MACROD2: variants seen among roughly 807,000 people sequenced by gnomAD.
MACROD2 encodes mono-ADP ribosylhydrolase 2.
MACROD2 carries 36 observed loss-of-function variants against 70.4 expected under a neutral mutation model. The observed-to-expected ratio is 0.51, with a 90% CI of 0.39 to 0.68. The LOEUF is 0.68. Among genes scored for constraint, MACROD2 ranks in the 30% least tolerant of loss-of-function variants. The probability of loss-of-function intolerance (pLI) is 0.00; values close to 1 mark genes in which losing one functional copy is unlikely to be tolerated. For missense variants in MACROD2, 496 were observed against 538.4 expected, an observed-to-expected ratio of 0.92 and a Z score of 0.78; for synonymous variants, 172 against 178.8, an observed-to-expected ratio of 0.96 and a Z score of 0.30.
intron 6 of MACROD2, among the ~76,000 whole-genome samples, chr20:15,411,715 C>T (rs988557719): frequency 6.6e-6 from 1 of 152,200 alleles, no homozygotes; most frequent in Non-Finnish European, 1.5e-5. Context: ...GTTTTAGACT[C>T]TGTATGCAGC....
At chr20:16,013,634 C>G (rs959607269) in intron 15 of MACROD2, among the ~76,000 whole-genome samples, 1 of 152,150 alleles carries the variant, frequency 6.6e-6, no homozygotes, top group Admixed American at 6.5e-5. Flanking sequence ...CTCTCCATGG[C>G]CACGTTCTTC....
chr20:14,074,570 A>G (rs1270844239), intron 2 of MACROD2, among the ~76,000 whole-genome samples: 3 of 152,148 alleles, frequency 2.0e-5, no homozygotes, highest in Non-Finnish European at 2.9e-5. Context: ...GAAAGGTACT[A>G]CTGGGCTGGT....
At chr20:15,669,116 T>C (rs757862535) in intron 8 of MACROD2, among the ~76,000 whole-genome samples, 1 of 152,220 alleles carries the variant, frequency 6.6e-6, no homozygotes, top group Non-Finnish European at 1.5e-5. Context: ...TCCAACTATG[T>C]TGTTTATTTT....
chr20:15,929,868 TA>T (rs1013931743), intron 10 of MACROD2, among the ~76,000 whole-genome samples: 2 of 152,224 alleles, frequency 1.3e-5, no homozygotes, highest in African/African-American at 2.4e-5. Flanking sequence ...ACACATTTGA[TA>T]AATATTGGTT....
chr20:14,167,109 T>C (rs2060346040), intron 3 of MACROD2, among the ~76,000 whole-genome samples: 1 of 152,136 alleles, frequency 6.6e-6, no homozygotes, highest in Non-Finnish European at 1.5e-5. Context: ...CTCATGTCCC[T>C]TTTTTATCTC....
At chr20:15,258,141 A>C (rs772800447) in intron 6 of MACROD2, among the ~76,000 whole-genome samples, 1 of 152,116 alleles carries the variant, frequency 6.6e-6, no homozygotes, top group Non-Finnish European at 1.5e-5. Flanking sequence ...GTTTTAAGCT[A>C]TTATTTCCAA....
chr20:15,535,821 T>C (rs947937543), intron 8 of MACROD2, among the ~76,000 whole-genome samples: 1 of 152,176 alleles, frequency 6.6e-6, no homozygotes, highest in African/African-American at 2.4e-5. Flanking sequence ...GGATGAGAAA[T>C]AAATTGGCAA....
chr20:14,532,650 C>T (rs1008176868), intron 4 of MACROD2, among the ~76,000 whole-genome samples: 6 of 152,098 alleles, frequency 3.9e-5, no homozygotes, highest in Non-Finnish European at 5.9e-5. Flanking sequence ...GTTTCTCCCC[C>T]CTCTTGGTTA....
chr20:14,943,748 T>C (rs903154727), intron 5 of MACROD2, among the ~76,000 whole-genome samples: 2 of 152,204 alleles, frequency 1.3e-5, no homozygotes, highest in Non-Finnish European at 2.9e-5. Context: ...TAGTAGATTA[T>C]GCTTCTTGAT....
intron 8 of MACROD2, among the ~76,000 whole-genome samples, chr20:15,689,252 C>T (rs2050268062): frequency 2.0e-5 from 3 of 151,096 alleles, no homozygotes; most frequent in East Asian, 2.0e-4. Flanking sequence ...TGCAGTGAGC[C>T]GAGATATTGC....
At chr20:14,048,740 A>G (rs1601157739) in intron 2 of MACROD2, among the ~76,000 whole-genome samples, 1 of 152,222 alleles carries the variant, frequency 6.6e-6, no homozygotes, top group Non-Finnish European at 1.5e-5. Context: ...AGAAAGGTTT[A>G]TGTTAAACAT....
At chr20:15,301,498 T>C (rs1180414525) in intron 6 of MACROD2, among the ~76,000 whole-genome samples, 1 of 152,100 alleles carries the variant, frequency 6.6e-6, no homozygotes, top group Non-Finnish European at 1.5e-5. Context: ...AGAGTTGAGA[T>C]TTCCTTTGGT....
At chr20:14,578,220 A>C (rs937255030) in intron 4 of MACROD2, among the ~76,000 whole-genome samples, 2 of 151,520 alleles carry the variant, frequency 1.3e-5, no homozygotes, top group African/African-American at 2.4e-5. Context: ...ATTGAGAAAA[A>C]ATTTAGTTCA....
intron 5 of MACROD2, among the ~76,000 whole-genome samples, chr20:15,001,122 A>G (rs1365486264): frequency 6.6e-6 from 1 of 152,198 alleles, no homozygotes; most frequent in African/African-American, 2.4e-5. Context: ...GGAGAAGGTT[A>G]GAATGATAGC....
At position 14,623,676 on chromosome 20, in the gene MACROD2, G is replaced by C. The variant is rs1355325498; in HGVS notation, c.302-61167G>C. Among the ~76,000 whole-genome samples the C allele has an allele frequency of 4.6e-5, 7 of 152,260 alleles. No individual in the cohort carries two copies. The South Asian group carries it at 1.0e-3, about 23-fold the overall frequency. On this transcript the variant is annotated intron_variant, in intron 4 of 17. Coordinates refer to ENST00000684519, the MANE Select transcript of MACROD2 (RefSeq NM_001351661.2). ...AAACAGATAATAAAAATATTAGTGA[G>C]AGGAGCATCATCATCCCTGAAAAGC... is the stretch of plus-strand genomic sequence containing the variant.
At chr20:15,765,250 T>C (rs566495723) in intron 8 of MACROD2, among the ~76,000 whole-genome samples, 1 of 152,328 alleles carries the variant, frequency 6.6e-6, no homozygotes, top group South Asian at 2.1e-4. Context: ...TTCCTTATTA[T>C]TATTTTTAAT....
Position 15,203,246 on chromosome 20 carries a change from C to T in MACROD2, c.419-26694C>T, listed in dbSNP as rs149314186. Reference sequence around the variant, plus strand: ...ATTTTTAACAACAAAGTAAATGAGACGGACAAGACAAGAGACAGATAACTT... The same window carrying T: ...ATTTTTAACAACAAAGTAAATGAGATGGACAAGACAAGAGACAGATAACTT... On this transcript the variant is annotated intron_variant, in intron 5 of 17. Transcript: ENST00000684519. Among the ~76,000 whole-genome samples, 77 of 152,224 alleles carry T rather than the reference C, an allele frequency of 5.1e-4. No homozygotes were observed. In the East Asian group the frequency reaches 0.012, roughly 23 times the overall value.
rs957873235 is a variant in MACROD2 at position 15,967,415 on chromosome 20, C to T, written c.908-138C>T. ...AAAAAAGCGCCTATTTATTGGCAAACATATGTATTTGAGTGGTTATTTTTA... is the reference window on the plus strand; with the variant it reads ...AAAAAAGCGCCTATTTATTGGCAAATATATGTATTTGAGTGGTTATTTTTA... On this transcript the variant is annotated intron_variant, in intron 12 of 17. Transcript: ENST00000684519. 5 of 630,058 alleles carry T rather than the reference C, an allele frequency of 7.9e-6. No homozygotes were observed. The Admixed American group carries it at 1.4e-4, about 18-fold the overall frequency. 39.0% of individuals were successfully genotyped at this position (630,058 alleles called of 1,614,324 possible).
At chr20:15,559,780 G>A (rs111243926) in intron 8 of MACROD2, among the ~76,000 whole-genome samples, 35 of 152,280 alleles carry the variant, frequency 2.3e-4, no homozygotes, top group African/African-American at 8.2e-4. Context: ...TTCTCTGCCT[G>A]TCTGTCCTGA....
Sources: gnomAD v4.1 joint callset for allele counts (sites outside exome capture counted in the v4.1 genomes callset) on GRCh38, gnomAD v4.1.1 for gene constraint, MANE v1.5 for transcripts, NCBI Gene and HGNC (gene_info 2026-07-23, HGNC 2026-07-21) for gene names.